FSIP1: variants seen among roughly 807,000 people sequenced by gnomAD.
FSIP1 encodes the protein fibrous sheath interacting protein 1, also known as fibrous sheath-interacting protein 1.
FSIP1 carries 65 observed loss-of-function variants against 60.9 expected under a neutral mutation model. That is an observed-to-expected ratio of 1.07 (90% confidence interval 0.87 to 1.31). FSIP1 has a LOEUF of 1.31. Ranked by LOEUF, FSIP1 falls within the 40% of genes most tolerant of loss-of-function variation. The probability of loss-of-function intolerance (pLI) is 0.00; values close to 1 mark genes in which losing one functional copy is unlikely to be tolerated. For missense variants in FSIP1, 675 were observed against 665.5 expected (o/e 1.01, Z -0.16); for synonymous variants, 209 against 221.2 (o/e 0.94, Z 0.49).
intron 2 of FSIP1, among the ~76,000 whole-genome samples, chr15:39,775,761 C>T (rs929678470): frequency 6.6e-6 from 1 of 152,154 alleles, no homozygotes; most frequent in African/African-American, 2.4e-5. Flanking sequence ...TTCCCCTTCA[C>T]CTTCCGCCAT....
chr15:39,717,787 C>A (rs16969692), intron 9 of FSIP1, among the ~76,000 whole-genome samples: 18,043 of 152,168 alleles, frequency 0.12, 1,306 homozygotes, highest in African/African-American at 0.2. Context: ...TCAGAGATGG[C>A]CAAAATACAG....
intron 10 of FSIP1, among the ~76,000 whole-genome samples, chr15:39,705,795 C>T (rs56197892): frequency 0.12 from 18,412 of 151,946 alleles, 1,208 homozygotes; most frequent in Middle Eastern, 0.24. Flanking sequence ...GTCAGGAGTT[C>T]GAGACCAGCC....
chr15:39,631,148 C>T (rs1891867360), intron 10 of FSIP1, among the ~76,000 whole-genome samples: 1 of 152,210 alleles, frequency 6.6e-6, no homozygotes. Flanking sequence ...TTGTTGACTA[C>T]ATGATGCTTT....
chr15:39,691,135 G>T (rs942224050), intron 10 of FSIP1, among the ~76,000 whole-genome samples: 1 of 152,194 alleles, frequency 6.6e-6, no homozygotes, highest in East Asian at 1.9e-4. Context: ...CAGAATCATG[G>T]TTACTCATTT....
At chr15:39,778,973 T>G (rs527692511) in intron 1 of FSIP1, among the ~76,000 whole-genome samples, 2 of 152,026 alleles carry the variant, frequency 1.3e-5, no homozygotes, top group Admixed American at 1.3e-4. Flanking sequence ...ACTAAGAATA[T>G]AAATCAAAAA....
At chr15:39,726,852 A>T in intron 8 of FSIP1, 105 bp from the exon 9 acceptor site, 1 of 621,962 alleles carries the variant, frequency 1.6e-6, no homozygotes, top group Middle Eastern at 3.0e-4. Context: ...TACACACACA[A>T]ACACACACAC....
chr15:39,605,690 G>C (rs1890798510), intron 11 of FSIP1, among the ~76,000 whole-genome samples: 1 of 152,216 alleles, frequency 6.6e-6, no homozygotes, highest in Non-Finnish European at 1.5e-5. Flanking sequence ...CCCGTGGGTG[G>C]TGGTAGAACT....
At chr15:39,615,625 C>T (rs1003211144) in intron 11 of FSIP1, among the ~76,000 whole-genome samples, 8 of 151,596 alleles carry the variant, frequency 5.3e-5, no homozygotes, top group Admixed American at 2.0e-4. Flanking sequence ...TGGTGGCTCA[C>T]GCCTGTAATC....
At chr15:39,682,966 A>G (rs1046978277) in intron 10 of FSIP1, among the ~76,000 whole-genome samples, 1 of 152,222 alleles carries the variant, frequency 6.6e-6, no homozygotes, top group Non-Finnish European at 1.5e-5. Context: ...ATTCCAGTTG[A>G]TGGAAGTTCC....
At chr15:39,676,678 T>C (rs528558811) in intron 10 of FSIP1, among the ~76,000 whole-genome samples, 1 of 152,342 alleles carries the variant, frequency 6.6e-6, no homozygotes, top group African/African-American at 2.4e-5. Context: ...ATATTTAGTA[T>C]AGTAGTTATA....
At chr15:39,748,334 C>T (rs1232273464) in intron 5 of FSIP1, among the ~76,000 whole-genome samples, 1 of 152,186 alleles carries the variant, frequency 6.6e-6, no homozygotes, top group Non-Finnish European at 1.5e-5. Context: ...TTGCACATTT[C>T]AAAGTTTGTT....
At chr15:39,631,699 G>T (rs899020792) in intron 10 of FSIP1, among the ~76,000 whole-genome samples, 3 of 152,132 alleles carry the variant, frequency 2.0e-5, no homozygotes, top group Admixed American at 6.5e-5. Flanking sequence ...GGTTTAATTT[G>T]GTCTGCTGTG....
chr15:39,620,309 G>A (rs1891393460), intron 10 of FSIP1, among the ~76,000 whole-genome samples: 1 of 152,076 alleles, frequency 6.6e-6, no homozygotes, highest in Non-Finnish European at 1.5e-5. Flanking sequence ...GAGAAACAAG[G>A]GGTGTTTGCA....
intron 10 of FSIP1, among the ~76,000 whole-genome samples, chr15:39,621,740 T>C (rs571754051): frequency 6.6e-6 from 1 of 152,328 alleles, no homozygotes; most frequent in South Asian, 2.1e-4. Flanking sequence ...TCCCGAACTC[T>C]TATAAAATAA....
intron 10 of FSIP1, among the ~76,000 whole-genome samples, chr15:39,623,358 G>T (rs963788868): frequency 1.3e-5 from 2 of 152,034 alleles, no homozygotes; most frequent in African/African-American, 4.8e-5. Flanking sequence ...AGCTTACTTC[G>T]GGTGTTTTTT....
intron 10 of FSIP1, among the ~76,000 whole-genome samples, chr15:39,712,846 T>C (rs534826932): frequency 5.3e-5 from 8 of 152,240 alleles, no homozygotes; most frequent in Admixed American, 2.0e-4. Context: ...CCAAGAAAGA[T>C]TTGGAATGCA....
chr15:39,770,983 G>A (rs1334772194), intron 2 of FSIP1, among the ~76,000 whole-genome samples: 4 of 152,228 alleles, frequency 2.6e-5, no homozygotes, highest in Non-Finnish European at 5.9e-5. Context: ...GCTACAGAAT[G>A]GTTGAAAAGT....
At chr15:39,664,062 C>T (rs962946736) in intron 10 of FSIP1, among the ~76,000 whole-genome samples, 12 of 151,584 alleles carry the variant, frequency 7.9e-5, no homozygotes, top group African/African-American at 2.7e-4. Context: ...CATAACCAGC[C>T]AGGGTGGGTG....
chr15:39,635,744 T>C (rs2140410945), intron 10 of FSIP1, among the ~76,000 whole-genome samples: 1 of 152,270 alleles, frequency 6.6e-6, no homozygotes, highest in South Asian at 2.1e-4. Flanking sequence ...GTCATCCTGA[T>C]TAAATACCCA....
Sources: gnomAD v4.1 joint callset for allele counts (sites outside exome capture counted in the v4.1 genomes callset) on GRCh38, gnomAD v4.1.1 for gene constraint, MANE v1.5 for transcripts, NCBI Gene and HGNC (gene_info 2026-07-23, HGNC 2026-07-21) for gene names.